PREP: variants seen among roughly 807,000 people sequenced by gnomAD.
The protein encoded by PREP is prolyl endopeptidase, also known as dJ355L5.1 (prolyl endopeptidase).
PREP carries 29 observed loss-of-function variants against 87.6 expected under a neutral mutation model. The ratio of observed to expected loss-of-function variants is 0.33; its 90% CI spans 0.25 to 0.45. The LOEUF (loss-of-function observed/expected upper bound fraction) is 0.45. PREP is among the 20% of genes least tolerant of loss of function. PREP has a pLI of 1.00. For missense variants in PREP, 695 were observed against 886.5 expected (o/e 0.78, Z 2.74); for synonymous variants, 337 against 328.6 (o/e 1.03, Z -0.28).
intron 6 of PREP, among the ~76,000 whole-genome samples, chr6:105,354,332 C>T (rs1772037336): frequency 6.6e-6 from 1 of 152,188 alleles, no homozygotes; most frequent in Non-Finnish European, 1.5e-5. Context: ...AGGACATGCA[C>T]ATATTCAACT....
At chr6:105,327,380 G>A (rs1205895951) in intron 9 of PREP, among the ~76,000 whole-genome samples, 2 of 152,152 alleles carry the variant, frequency 1.3e-5, no homozygotes, top group African/African-American at 4.8e-5. Flanking sequence ...GCCCTTGCAT[G>A]GTTTCCACAT....
At chr6:105,376,281 C>A in intron 3 of PREP, 26 bp from the exon 4 acceptor site, 1 of 1,606,088 alleles carries the variant, frequency 6.2e-7, no homozygotes, top group South Asian at 1.1e-5. Flanking sequence ...GGTCTTTATT[C>A]AGCTGTGGAG....
At chr6:105,393,673 T>C (rs1371128841) in intron 2 of PREP, among the ~76,000 whole-genome samples, 1 of 152,214 alleles carries the variant, frequency 6.6e-6, no homozygotes, top group African/African-American at 2.4e-5. Flanking sequence ...ATTTCAATAA[T>C]ATATTTTATT....
At chr6:105,309,062 G>A (rs1264026236) in intron 10 of PREP, among the ~76,000 whole-genome samples, 2 of 152,104 alleles carry the variant, frequency 1.3e-5, no homozygotes, top group Non-Finnish European at 2.9e-5. Flanking sequence ...GCAAAGCAAG[G>A]AGGCCAGAGC....
intron 10 of PREP, among the ~76,000 whole-genome samples, chr6:105,315,884 A>G (rs1000222290): frequency 2.0e-5 from 3 of 152,166 alleles, no homozygotes; most frequent in African/African-American, 7.2e-5. Context: ...CATGTCTTTT[A>G]GTCTTCACAG....
rs528991615 is a variant in PREP, at chr6:105,296,281, T to C, written c.1318-7387A>G. 2.6e-5 allele frequency among the ~76,000 whole-genome samples: 4 copies of C among 152,362 alleles called. No homozygotes were observed. The East Asian group carries it at 5.8e-4, about 22-fold the overall frequency. ...AGAACAAAGTATACCTGCTCTTTTA[T>C]TCTGTTACTTCTCCTTTCTGATTAC... On this transcript the variant is annotated intron_variant, in intron 10 of 14. Transcript: ENST00000652536.
intron 10 of PREP, among the ~76,000 whole-genome samples, chr6:105,320,042 C>T (rs919382040): frequency 1.3e-5 from 2 of 152,210 alleles, no homozygotes; most frequent in Non-Finnish European, 2.9e-5. Flanking sequence ...ATATTGCTGA[C>T]TGTAAATGTA....
intron 2 of PREP, among the ~76,000 whole-genome samples, chr6:105,379,457 T>C (rs937861544): frequency 1.3e-5 from 2 of 152,198 alleles, no homozygotes; most frequent in African/African-American, 2.4e-5. Context: ...GATCACCAAG[T>C]GTGTCCAAAA....
At chr6:105,363,925 G>A (rs1268103899) in intron 6 of PREP, among the ~76,000 whole-genome samples, 1 of 152,106 alleles carries the variant, frequency 6.6e-6, no homozygotes, top group Non-Finnish European at 1.5e-5. Context: ...CTAAAATCGA[G>A]GGGATGTCTC....
At chr6:105,331,617 C>T (rs918595165) in intron 8 of PREP, among the ~76,000 whole-genome samples, 8 of 152,148 alleles carry the variant, frequency 5.3e-5, no homozygotes, top group African/African-American at 1.9e-4. Context: ...GCAGGAAGCC[C>T]TCACTAACTG....
chr6:105,279,989 T>C lies in PREP; in HGVS notation c.1839-1551A>G, dbSNP rs3799992. ...GTGTGTCAATGAGGCCTGCATGTACTGAAAAGTAATAACTTTCATAGTGAA... is the reference window on the plus strand; with the variant it reads ...GTGTGTCAATGAGGCCTGCATGTACCGAAAAGTAATAACTTTCATAGTGAA... On this transcript the variant is annotated intron_variant, in intron 14 of 14. Transcript: ENST00000652536. Among the ~76,000 whole-genome samples, 1,344 of 152,336 alleles carry C rather than the reference T, an allele frequency of 8.8e-3. 55 individuals carry two copies. In the East Asian group the frequency reaches 0.12, roughly 14 times the overall value.
intron 2 of PREP, among the ~76,000 whole-genome samples, chr6:105,390,834 C>T (rs1240557679): frequency 6.6e-6 from 1 of 152,012 alleles, no homozygotes. Flanking sequence ...GTAAAGAGGC[C>T]AGGAAGAATA....
chr6:105,318,844 C>A (rs558581144), intron 10 of PREP, among the ~76,000 whole-genome samples: 1 of 152,206 alleles, frequency 6.6e-6, no homozygotes, highest in African/African-American at 2.4e-5. Context: ...CACTGCCACT[C>A]GTTCACTAGT....
At chr6:105,294,421 T>G (rs1162296795) in intron 10 of PREP, among the ~76,000 whole-genome samples, 1 of 152,216 alleles carries the variant, frequency 6.6e-6, no homozygotes, top group South Asian at 2.1e-4. Context: ...GTCTCTATAC[T>G]TCTCTTTACC....
At chr6:105,352,548 G>A (rs1771987666) in intron 7 of PREP, among the ~76,000 whole-genome samples, 1 of 152,138 alleles carries the variant, frequency 6.6e-6, no homozygotes, top group Non-Finnish European at 1.5e-5. Flanking sequence ...ACAGGGTCTG[G>A]CTATGTTGCC....
chr6:105,283,588 A>AC (rs1770125857), intron 12 of PREP, among the ~76,000 whole-genome samples: 3 of 152,260 alleles, frequency 2.0e-5, no homozygotes, highest in African/African-American at 7.2e-5. Context: ...CTTAGTTACT[A>AC]GGAATAACAA....
At chr6:105,385,332 GCTAAA>G (rs1772964310) in intron 2 of PREP, among the ~76,000 whole-genome samples, 1 of 147,716 alleles carries the variant, frequency 6.8e-6, no homozygotes, top group African/African-American at 2.5e-5. Flanking sequence ...CAAAGCTCTG[GCTAAA>G]CTAATCAAGC....
At chr6:105,347,303 G>C (rs980881613) in intron 7 of PREP, among the ~76,000 whole-genome samples, 1 of 152,224 alleles carries the variant, frequency 6.6e-6, no homozygotes, top group African/African-American at 2.4e-5. Context: ...AGCACTTGAA[G>C]GGCAGGGGCT....
At chr6:105,390,053 T>C (rs977276617) in intron 2 of PREP, among the ~76,000 whole-genome samples, 2 of 152,202 alleles carry the variant, frequency 1.3e-5, no homozygotes, top group Non-Finnish European at 2.9e-5. Flanking sequence ...ATCCTAGAGA[T>C]GATCAGAAGT....
Sources: gnomAD v4.1 joint callset for allele counts (sites outside exome capture counted in the v4.1 genomes callset) on GRCh38, gnomAD v4.1.1 for gene constraint, MANE v1.5 for transcripts, NCBI Gene and HGNC (gene_info 2026-07-23, HGNC 2026-07-21) for gene names.